Variants in ACACA observed in about 807,000 individuals in gnomAD.
ACACA encodes the protein acetyl-CoA carboxylase 1.
Under a neutral mutation model 296.1 loss-of-function variants are expected in ACACA, and 103 were observed. The observed-to-expected ratio is 0.35, with a 90% CI of 0.30 to 0.41. ACACA has a LOEUF of 0.41. Ranked by LOEUF, ACACA falls within the 10% of genes least tolerant of loss-of-function variation. The pLI is 1.00. For synonymous variants in ACACA, 953 were observed against 1,038.6 expected (o/e 0.92, Z 1.58); for missense variants, 1,554 against 2,989.7 (o/e 0.52, Z 11.20).
chr17:37,392,894 G>A (rs1319868069), intron 1 of ACACA, among the ~76,000 whole-genome samples: 1 of 152,074 alleles, frequency 6.6e-6, no homozygotes, highest in African/African-American at 2.4e-5. Context: ...TGTAATCCCA[G>A]CACTTTGGGA....
At chr17:37,112,966 G>C (rs2074058691) in intron 51 of ACACA, 122 bp downstream of exon 51, 2 of 1,208,236 alleles carry the variant, frequency 1.7e-6, no homozygotes, top group South Asian at 2.7e-5. Context: ...GAAGGAAAAA[G>C]CTTTGGTTTG....
chr17:37,381,936 C>T (rs1442824977), intron 1 of ACACA, among the ~76,000 whole-genome samples: 1 of 152,038 alleles, frequency 6.6e-6, no homozygotes, highest in African/African-American at 2.4e-5. Context: ...CATGTCTCTT[C>T]TATATTCTAC....
chr17:37,377,447 G>A (rs993272681), intron 1 of ACACA, among the ~76,000 whole-genome samples: 4 of 151,960 alleles, frequency 2.6e-5, no homozygotes, highest in African/African-American at 9.7e-5. Flanking sequence ...ATCACCTGAA[G>A]TAAGGAGTTT....
chr17:37,274,584 A>G (rs1382806486), intron 8 of ACACA: 1 of 967,480 alleles, frequency 1.0e-6, no homozygotes, highest in African/African-American at 1.8e-5. Flanking sequence ...AAAAAAGAAC[A>G]TAGCATACTT....
chr17:37,098,776 C>T (rs1634335), intron 52 of ACACA, among the ~76,000 whole-genome samples: 4 of 152,198 alleles, frequency 2.6e-5, no homozygotes, highest in Admixed American at 2.0e-4. Flanking sequence ...TCACTGCGCA[C>T]GGTACCCTGA....
intron 1 of ACACA, among the ~76,000 whole-genome samples, chr17:37,344,377 G>A (rs2048521017): frequency 6.6e-6 from 1 of 151,910 alleles, no homozygotes; most frequent in Non-Finnish European, 1.5e-5. Context: ...GGCCAACATG[G>A]TGAAACCCAG....
intron 3 of ACACA, among the ~76,000 whole-genome samples, chr17:37,291,040 C>T (rs1317400227): frequency 6.7e-6 from 1 of 148,364 alleles, no homozygotes; most frequent in Non-Finnish European, 1.5e-5. Flanking sequence ...CGAGATCACG[C>T]CACTACACTC....
At chr17:37,377,722 A>G (rs1456989089) in intron 1 of ACACA, among the ~76,000 whole-genome samples, 2 of 152,100 alleles carry the variant, frequency 1.3e-5, no homozygotes, top group African/African-American at 2.4e-5. Context: ...GTCTTTTTAG[A>G]GAGTGTTTGA....
chr17:37,317,480 C>T (rs76368958), intron 3 of ACACA, among the ~76,000 whole-genome samples: 18,335 of 151,604 alleles, frequency 0.12, 1,724 homozygotes, highest in East Asian at 0.45. Flanking sequence ...GCACGAGAAT[C>T]GCTTGAACCC....
chr17:37,202,615 T>C (rs546558368), intron 33 of ACACA, among the ~76,000 whole-genome samples: 1 of 146,136 alleles, frequency 6.8e-6, no homozygotes, highest in South Asian at 2.2e-4. Context: ...ACAAAACTAG[T>C]TGCCACTTTA....
chr17:37,299,863 G>C, intron 3 of ACACA: 1 of 921,726 alleles, frequency 1.1e-6, no homozygotes, highest in Non-Finnish European at 1.3e-6. Flanking sequence ...CCAGAGGGAG[G>C]AGCACAGCTC....
chr17:37,149,939 A>C lies in ACACA; in HGVS notation c.5604T>G (p.Leu1868=). ...GGATGGTTCTCTGTCCCAGCCGGAC[A>C]AGGTAAGCCCCAATCCCAATGGCCC... The part of the protein sequence containing the change: ...TCRAIGIGAY[L]VRLGQRTIQV... The change falls in exon 45 of 56, where the codon CTT becomes CTG. Residue 1868 remains leucine (L), a synonymous_variant. Transcript: ENST00000616317. 6.2e-7 allele frequency: 1 copy of C among 1,614,236 alleles called. No individual in the cohort carries two copies. Among genetic ancestry groups the C allele is most frequent in the South Asian group, 1.1e-5 (1 of 91,084 alleles).
rs188900220 is a variant in ACACA, at chr17:37,129,232, G to T, written c.5944+133C>A. 500 of 1,254,596 alleles carry T rather than the reference G, an allele frequency of 4.0e-4. 1 individual carries two copies. The highest frequency in any genetic ancestry group is 4.8e-4 in the Non-Finnish European group (419 of 873,252). The allele number at this position is 1,254,596 out of a possible 1,614,324, so 77.7% of individuals were successfully genotyped here. A position where few individuals can be genotyped will look rare whatever the true frequency, so the allele number is the denominator to read the frequency against. The stretch of plus-strand genomic sequence containing the variant: ...TTTTTCTTCAGAGGGCTGGTTTTCA[G>T]GTCTTTCTCATTTCTAGGTACTTAC... On this transcript the variant is annotated intron_variant, in intron 47 of 55. Coordinates refer to ENST00000616317, the MANE Select transcript of ACACA (RefSeq NM_198834.3).
intron 1 of ACACA, among the ~76,000 whole-genome samples, chr17:37,346,291 T>TA (rs1287439094): frequency 6.9e-6 from 1 of 144,458 alleles, no homozygotes. Flanking sequence ...CACTCCAGCC[T>TA]GACCAACAGA....
intron 52 of ACACA, among the ~76,000 whole-genome samples, chr17:37,109,664 G>C (rs1371302586): frequency 6.6e-6 from 1 of 152,224 alleles, no homozygotes; most frequent in Non-Finnish European, 1.5e-5. Flanking sequence ...TCACTTGGGA[G>C]TCTCCTCCCT....
intron 2 of ACACA, among the ~76,000 whole-genome samples, chr17:37,334,334 C>T (rs2048014097): frequency 6.6e-6 from 1 of 152,030 alleles, no homozygotes; most frequent in African/African-American, 2.4e-5. Flanking sequence ...TCAACAGGTT[C>T]TTAAAACATT....
At chr17:37,305,814 A>G (rs753662334) in intron 3 of ACACA, among the ~76,000 whole-genome samples, 3 of 152,086 alleles carry the variant, frequency 2.0e-5, no homozygotes, top group Non-Finnish European at 2.9e-5. Context: ...TTCATGACAA[A>G]TCAGCTGGGG....
chr17:37,259,569 TTA>T, intron 11 of ACACA, 39 bp from the exon 12 acceptor site: 6 of 1,611,034 alleles, frequency 3.7e-6, no homozygotes, highest in Non-Finnish European at 4.2e-6. Context: ...GTATCTCACC[TTA>T]TCCAACTGCT....
intron 39 of ACACA, among the ~76,000 whole-genome samples, chr17:37,185,287 T>C (rs1477751031): frequency 1.3e-5 from 2 of 151,848 alleles, no homozygotes; most frequent in Admixed American, 6.6e-5. Flanking sequence ...GGCTGGAGTG[T>C]GGTGTCACAA....
Sources: allele counts gnomAD v4.1 joint callset (sites outside exome capture counted in the v4.1 genomes callset), GRCh38; gene constraint gnomAD v4.1.1; transcripts MANE v1.5; gene names NCBI Gene and HGNC (gene_info 2026-07-23, HGNC 2026-07-21).